The following ORAI2 variants were observed in gnomAD, a reference collection of about 807,000 sequenced individuals.
The protein encoded by ORAI2 is ORAI calcium release-activated calcium modulator 2, also known as protein orai-2.
In ORAI2, 10 loss-of-function variants were observed where a neutral mutation model predicts 16.2. The observed-to-expected ratio is 0.62, with a 90% CI of 0.38 to 1.04. ORAI2 has a LOEUF of 1.04. ORAI2 is among the 50% of genes least tolerant of loss of function. The pLI is 0.01. For missense variants in ORAI2, 238 were observed against 355.5 expected (o/e 0.67, Z 2.66); for synonymous variants, 150 against 157.5 (o/e 0.95, Z 0.35).
In ORAI2 at chr7:102,449,551, C is replaced by G. The variant is rs1016983010; in HGVS notation, c.*2499C>G. On this transcript the variant is annotated 3_prime_UTR_variant, in exon 4 of 4. Coordinates refer to ENST00000495936, the MANE Select transcript of ORAI2 (RefSeq NM_001126340.3). ...GGTGAAACCATCTCTAGCAAAAATA[C>G]AAAAAATTAGCCGGGTATGGTGGCG... 3 of 151,900 alleles carry G rather than the reference C, an allele frequency of 2.0e-5. No homozygotes were observed. The highest frequency in any genetic ancestry group is 2.1e-4 in the South Asian group (1 of 4,810). The allele number at this position is 151,900 out of a possible 1,614,324, so 9.4% of individuals were successfully genotyped here.
chr7:102,444,504 C>G (rs1586714421), intron 3 of ORAI2, among the ~76,000 whole-genome samples: 1 of 27,404 alleles, frequency 3.6e-5, no homozygotes, highest in Non-Finnish European at 1.4e-4. Context: ...CCGCCCCCCC[C>G]CGCCCCCCAC....
intron 3 of ORAI2, among the ~76,000 whole-genome samples, chr7:102,444,665 C>CTTTTTT (rs35635937): frequency 5.9e-5 from 7 of 118,048 alleles, no homozygotes; most frequent in East Asian, 5.0e-4. Context: ...CAGGCTTCTT[C>CTTTTTT]TTTTTTTTTT....
rs747131894 is a variant in ORAI2 at position 102,446,746 on chromosome 7, C to T, written c.459C>T (p.Ser153=). Residue 153 remains serine, a synonymous_variant, in exon 4 of 4, where the codon TCC becomes TCT. Coordinates refer to ENST00000495936, the MANE Select transcript of ORAI2 (RefSeq NM_001126340.3). Reference sequence around the variant, plus strand: ...ACATCGAGCTGGCCTGGGGCTTCTCCACCGTGCTTGGCATCCTACTCTTCC... The same window carrying T: ...ACATCGAGCTGGCCTGGGGCTTCTCTACCGTGCTTGGCATCCTACTCTTCC... ...HPYIELAWGF[S]TVLGILLFLA... 6.2e-7 allele frequency: 1 copy of T among 1,614,196 alleles called. No individual in the cohort carries two copies. The highest frequency in any genetic ancestry group is 1.1e-5 in the South Asian group (1 of 91,086).
rs1432002706 is a variant in ORAI2, at chr7:102,450,584, T to C, written c.*3532T>C. 6.6e-6 allele frequency: 1 copy of C among 152,300 alleles called. No individual in the cohort carries two copies. Among genetic ancestry groups the C allele is most frequent in the Non-Finnish European group, 1.5e-5 (1 of 68,070 alleles). 9.4% of individuals were successfully genotyped at this position (152,300 alleles called of 1,614,324 possible). On this transcript the variant is annotated 3_prime_UTR_variant, in exon 4 of 4. Transcript: ENST00000495936. ...GTGGGGACGGAGCCACATCCAAGTCTAGCCCTCTGATTAGGAGGATGACAG... is the reference window on the plus strand; with the variant it reads ...GTGGGGACGGAGCCACATCCAAGTCCAGCCCTCTGATTAGGAGGATGACAG...
chr7:102,441,464 G>C (rs1014608936), intron 3 of ORAI2, among the ~76,000 whole-genome samples: 1 of 150,510 alleles, frequency 6.6e-6, no homozygotes, highest in Middle Eastern at 3.2e-3. Context: ...GCTTGAACCC[G>C]GGAGGCGGAG....
chr7:102,447,987 G>T lies in ORAI2; in HGVS notation c.*935G>T, dbSNP rs1019850426. On this transcript the variant is annotated 3_prime_UTR_variant, in exon 4 of 4. Transcript: ENST00000495936. ...TGGGCTGTGGCAGCAGGAGGCGGGG[G>T]CTCTGGCTCAGGCCCCGGAGCCTGT... The T allele has an allele frequency of 6.6e-6, 1 of 152,356 alleles. No individual in the cohort carries two copies. The highest frequency in any genetic ancestry group is 2.4e-5 in the African/African-American group (1 of 41,478). The allele number at this position is 152,356 out of a possible 1,614,324, so 9.4% of individuals were successfully genotyped here. A position where few individuals can be genotyped will look rare whatever the true frequency, so the allele number is the denominator to read the frequency against.
rs895434216 is a variant in ORAI2 at position 102,448,211 on chromosome 7, C to T, written c.*1159C>T. 1.3e-5 allele frequency: 2 copies of T among 152,400 alleles called. No individual in the cohort carries two copies. The highest frequency in any genetic ancestry group is 4.8e-5 in the African/African-American group (2 of 41,474). The allele number at this position is 152,400 out of a possible 1,614,324, so 9.4% of individuals were successfully genotyped here. A position where few individuals can be genotyped will look rare whatever the true frequency, so the allele number is the denominator to read the frequency against. The stretch of plus-strand genomic sequence containing the variant: ...AGGCCTCTCAGCCGACACTGGGTCC[C>T]ACCACACACAGTGACTGTGCCGTGC... On this transcript the variant is annotated 3_prime_UTR_variant, in exon 4 of 4. Coordinates refer to ENST00000495936, the MANE Select transcript of ORAI2 (RefSeq NM_001126340.3).
intron 1 of ORAI2, among the ~76,000 whole-genome samples, chr7:102,435,635 A>C (rs1586706524): frequency 7.3e-6 from 1 of 137,176 alleles, no homozygotes; most frequent in Non-Finnish European, 1.6e-5. Flanking sequence ...CACCACACCC[A>C]GCTATTTTTT....
Position 102,438,962 on chromosome 7 carries a change from T to C in ORAI2, c.6T>C (p.Ser2=). M[S]AELNVPIDPS... ...CCCTTAGCCTGGCTCCCACCATGAGTGCTGAGCTTAACGTGCCTATCGACC... is the reference window on the plus strand; with the variant it reads ...CCCTTAGCCTGGCTCCCACCATGAGCGCTGAGCTTAACGTGCCTATCGACC... Residue 2 remains serine (S), a synonymous_variant, in exon 3 of 4, where the codon AGT becomes AGC. Transcript: ENST00000495936. 2 of 1,613,396 alleles carry C rather than the reference T, an allele frequency of 1.2e-6. No homozygotes were observed. Among genetic ancestry groups the C allele is most frequent in the Middle Eastern group, 1.6e-4 (1 of 6,062 alleles).
chr7:102,437,052 G>C (rs896251443), intron 2 of ORAI2, among the ~76,000 whole-genome samples: 1 of 152,162 alleles, frequency 6.6e-6, no homozygotes. Context: ...GGACACACGC[G>C]ACCGCCAATC....
intron 3 of ORAI2, among the ~76,000 whole-genome samples, chr7:102,440,270 G>A (rs544781325): frequency 2.6e-5 from 4 of 152,286 alleles, no homozygotes; most frequent in Admixed American, 1.3e-4. Flanking sequence ...AGTTAGCGAT[G>A]CAGACGTTCC....
Position 102,443,625 on chromosome 7 carries a change from G to A in ORAI2, c.226-2888G>A. Among the ~76,000 whole-genome samples, 2 of 152,028 alleles carry A rather than the reference G, an allele frequency of 1.3e-5. 1 individual carries two copies. Among genetic ancestry groups the A allele is most frequent in the Non-Finnish European group, 2.9e-5 (2 of 68,018 alleles). On this transcript the variant is annotated intron_variant, in intron 3 of 3. Coordinates refer to ENST00000495936, the MANE Select transcript of ORAI2 (RefSeq NM_001126340.3). ...CCTCAGCCCATGTTCCGTGGCTACTGGTTTTTGGATACGTTTCACAAGGGC... is the reference window on the plus strand; with the variant it reads ...CCTCAGCCCATGTTCCGTGGCTACTAGTTTTTGGATACGTTTCACAAGGGC...
In ORAI2 at chr7:102,455,195, AAG is replaced by A. The variant is rs1797615672; in HGVS notation, c.*8145_*8146del. 1 of 152,512 alleles carries A rather than the reference AAG, an allele frequency of 6.6e-6. No individual in the cohort carries two copies. The highest frequency in any genetic ancestry group is 1.5e-5 in the Non-Finnish European group (1 of 68,316). The allele number at this position is 152,512 out of a possible 1,614,324, so 9.4% of individuals were successfully genotyped here. ...AGACCCTGCCCCGCCGCCTGAAAGA[AAG>A]AAAAAAGAAAGAGAAAGGAAGAGAA... On this transcript the variant is annotated 3_prime_UTR_variant, in exon 4 of 4. Coordinates refer to ENST00000495936, the MANE Select transcript of ORAI2 (RefSeq NM_001126340.3).
At chr7:102,445,899 TTC>T (rs1797346044) in intron 3 of ORAI2, among the ~76,000 whole-genome samples, 1 of 127,052 alleles carries the variant, frequency 7.9e-6, no homozygotes, top group Non-Finnish European at 1.7e-5. Context: ...CTTTCTCTCT[TTC>T]TCTTTCTCTC....
At chr7:102,439,818 A>G (rs1299100446) in intron 3 of ORAI2, among the ~76,000 whole-genome samples, 1 of 152,004 alleles carries the variant, frequency 6.6e-6, no homozygotes, top group African/African-American at 2.4e-5. Flanking sequence ...GTTGGCTCAC[A>G]CCTGTAATCC....
At chr7:102,437,444 G>A (rs1340476745) in intron 2 of ORAI2, among the ~76,000 whole-genome samples, 1 of 151,774 alleles carries the variant, frequency 6.6e-6, no homozygotes, top group Non-Finnish European at 1.5e-5. Flanking sequence ...GCGAAACCCT[G>A]TCTCTACTAA....
intron 2 of ORAI2, among the ~76,000 whole-genome samples, chr7:102,437,111 T>C (rs1208386610): frequency 6.6e-6 from 1 of 152,210 alleles, no homozygotes; most frequent in Non-Finnish European, 1.5e-5. Flanking sequence ...TTGACAGATC[T>C]GTCCTTCTGA....
intron 1 of ORAI2, among the ~76,000 whole-genome samples, chr7:102,435,322 T>G (rs1166883192): frequency 6.6e-6 from 1 of 152,176 alleles, no homozygotes; most frequent in Non-Finnish European, 1.5e-5. Context: ...TAGGCTGGTC[T>G]CCAGCTCCTG....
Position 102,439,040 on chromosome 7 carries a change from C to A in ORAI2, c.84C>A (p.Asp28Glu). The A allele has an allele frequency of 6.2e-7, 1 of 1,614,040 alleles. No homozygotes were observed. The highest frequency in any genetic ancestry group is 8.5e-7 in the Non-Finnish European group (1 of 1,180,034). Reference protein sequence around the residue: ...EPGHKGMDYRDWVRRSYLELV... With the variant: ...EPGHKGMDYREWVRRSYLELV... The stretch of plus-strand genomic sequence containing the variant: ...GCCATAAGGGCATGGATTACCGGGA[C>A]TGGGTCCGCCGCAGCTACCTGGAAC... Residue 28 changes from aspartate to glutamate, a missense_variant, in exon 3 of 4, where the codon GAC becomes GAA. Transcript: ENST00000495936.
Sources: allele counts gnomAD v4.1 joint callset (sites outside exome capture counted in the v4.1 genomes callset), GRCh38; gene constraint gnomAD v4.1.1; transcripts MANE v1.5; gene names NCBI Gene and HGNC (gene_info 2026-07-23, HGNC 2026-07-21).